Variants in FAR2 observed in about 807,000 individuals in gnomAD.
FAR2 encodes the protein epididymis secretory protein Li 81.
Under a neutral mutation model 56.0 loss-of-function variants are expected in FAR2, and 19 were observed. The observed-to-expected ratio is 0.34, with a 90% CI of 0.24 to 0.50. The LOEUF (loss-of-function observed/expected upper bound fraction) is 0.50, where lower values mean the gene tolerates loss of function less well. FAR2 is among the 20% of genes least tolerant of loss of function. The probability of loss-of-function intolerance (pLI) is 0.98; values close to 1 mark genes in which losing one functional copy is unlikely to be tolerated. For synonymous variants in FAR2, 219 were observed against 218.8 expected, an observed-to-expected ratio of 1.00 and a Z score of -0.01; for missense variants, 508 against 642.2, an observed-to-expected ratio of 0.79 and a Z score of 2.26.
In FAR2 at chr12:29,333,865, G is replaced by A; in HGVS notation, c.*71G>A. ...TAAAACAGCAAACTGTGATTCTCAA[G>A]ATTAGAAAGTAACAAGGAATATGCC... On this transcript the variant is annotated 3_prime_UTR_variant, in exon 12 of 12. Transcript: ENST00000536681. The A allele has an allele frequency of 4.2e-6, 6 of 1,418,804 alleles. No homozygotes were observed. The highest frequency in any genetic ancestry group is 5.8e-6 in the Non-Finnish European group (6 of 1,026,810). The allele number at this position is 1,418,804 out of a possible 1,614,324, so 87.9% of individuals were successfully genotyped here.
rs534804034 is a variant in FAR2 at position 29,313,845 on chromosome 12, T to G, written c.955+1895T>G. On this transcript the variant is annotated intron_variant, in intron 8 of 11. Transcript: ENST00000536681. ...TGGCTTTATTGATTCTTTATTATGT[T>G]GCTTCATTTTCTACTGCATTGATAT... Among the ~76,000 whole-genome samples, 23 of 139,968 alleles carry G rather than the reference T, an allele frequency of 1.6e-4. No homozygotes were observed. In the South Asian group the frequency reaches 4.8e-3, roughly 29 times the overall value. The allele number at this position is 139,968 out of a possible 152,430, so 91.8% of individuals were successfully genotyped here.
At chr12:29,178,504 G>A (rs1949961062) in intron 1 of FAR2, among the ~76,000 whole-genome samples, 1 of 152,164 alleles carries the variant, frequency 6.6e-6, no homozygotes, top group Admixed American at 6.5e-5. Flanking sequence ...GCTGCGGTGG[G>A]AGTATTGCTT....
At chr12:29,182,253 C>T (rs769491946) in intron 1 of FAR2, among the ~76,000 whole-genome samples, 1 of 152,184 alleles carries the variant, frequency 6.6e-6, no homozygotes, top group East Asian at 1.9e-4. Context: ...ACAGCTTCCA[C>T]GTATGGAAGG....
intron 1 of FAR2, among the ~76,000 whole-genome samples, chr12:29,233,613 T>G (rs1029025181): frequency 5.9e-5 from 9 of 152,354 alleles, no homozygotes; most frequent in Middle Eastern, 3.4e-3. Flanking sequence ...ATGCTTGAAC[T>G]TGGCTCTGGA....
chr12:29,255,102 C>T (rs1382077599), intron 1 of FAR2, among the ~76,000 whole-genome samples: 2 of 152,138 alleles, frequency 1.3e-5, no homozygotes, highest in Non-Finnish European at 2.9e-5. Context: ...AACAGAATAC[C>T]AGACTATACC....
chr12:29,156,579 C>G (rs759055246), intron 1 of FAR2: 7 of 152,128 alleles, frequency 4.6e-5, no homozygotes, highest in Non-Finnish European at 8.8e-5. Flanking sequence ...ATTTTATTAC[C>G]TCTGAGCAGA....
chr12:29,196,677 GA>G (rs1950147070), intron 1 of FAR2, among the ~76,000 whole-genome samples: 1 of 151,966 alleles, frequency 6.6e-6, no homozygotes, highest in Admixed American at 6.6e-5. Flanking sequence ...GAAAACTTAG[GA>G]AAAACTTCTG....
chr12:29,280,618 TTTGA>T (rs1466615154), intron 2 of FAR2: 1 of 152,186 alleles, frequency 6.6e-6, no homozygotes, highest in Non-Finnish European at 1.5e-5. Flanking sequence ...ACAAATGAAA[TTTGA>T]TTCTCAAACA....
intron 2 of FAR2, among the ~76,000 whole-genome samples, chr12:29,276,999 G>A (rs888932333): frequency 2.7e-4 from 41 of 151,960 alleles, no homozygotes; most frequent in African/African-American, 9.4e-4. Flanking sequence ...ATTTTGAGAC[G>A]GAGTCTCACT....
At chr12:29,207,612 C>T (rs1274025096) in intron 1 of FAR2, among the ~76,000 whole-genome samples, 3 of 151,826 alleles carry the variant, frequency 2.0e-5, no homozygotes, top group Non-Finnish European at 4.4e-5. Flanking sequence ...TTCTCTTTTT[C>T]CCTTTTTTGA....
intron 1 of FAR2, among the ~76,000 whole-genome samples, chr12:29,194,405 C>A (rs1173124265): frequency 6.6e-6 from 1 of 151,902 alleles, no homozygotes; most frequent in African/African-American, 2.4e-5. Context: ...TATGATTGTG[C>A]CTGCATTCCA....
intron 1 of FAR2, among the ~76,000 whole-genome samples, chr12:29,173,534 G>A (rs566489852): frequency 6.6e-6 from 1 of 152,272 alleles, no homozygotes; most frequent in East Asian, 1.9e-4. Flanking sequence ...GGATAGTATT[G>A]TAATTTATAC....
chr12:29,257,907 A>C (rs78847860), intron 1 of FAR2, among the ~76,000 whole-genome samples: 1 of 152,220 alleles, frequency 6.6e-6, no homozygotes, highest in Non-Finnish European at 1.5e-5. Flanking sequence ...CAGACGTGAG[A>C]CATCACACCC....
intron 1 of FAR2, among the ~76,000 whole-genome samples, chr12:29,218,872 G>A (rs893712995): frequency 3.3e-4 from 50 of 151,210 alleles, no homozygotes; most frequent in African/African-American, 1.1e-3. Flanking sequence ...GAAACCTTCC[G>A]TGTTAGAATT....
At chr12:29,316,819 A>G in intron 8 of FAR2, 22 bp from the exon 9 acceptor site, 3 of 1,612,800 alleles carry the variant, frequency 1.9e-6, no homozygotes, top group Non-Finnish European at 2.5e-6. Flanking sequence ...CTCCTCTAGC[A>G]CTTACTTTCT....
chr12:29,253,371 CTATCTAGA>C (rs1948264042), intron 1 of FAR2, among the ~76,000 whole-genome samples: 1 of 98,044 alleles, frequency 1.0e-5, no homozygotes. Flanking sequence ...AGATATCTAT[CTATCTAGA>C]TAGATAGATA....
chr12:29,167,312 A>C (rs1949839113), intron 1 of FAR2, among the ~76,000 whole-genome samples: 1 of 151,632 alleles, frequency 6.6e-6, no homozygotes, highest in South Asian at 2.1e-4. Flanking sequence ...CTTGCCTCAC[A>C]CTCCACAGAG....
rs765679322 is a variant in FAR2, at chr12:29,307,767, A to G, written c.655A>G (p.Ser219Gly). The G allele has an allele frequency of 1.4e-5, 23 of 1,613,348 alleles. No homozygotes were observed. The highest frequency in any genetic ancestry group is 1.9e-5 in the Non-Finnish European group (22 of 1,179,908). ...ALGEMVVQQE[S>G]RNLNIAIIRP... Reference sequence around the variant, plus strand: ...GGGAGAAATGGTGGTGCAGCAAGAGAGCAGGAACCTGAACATTGCCATCAT... The same window carrying G: ...GGGAGAAATGGTGGTGCAGCAAGAGGGCAGGAACCTGAACATTGCCATCAT... Residue 219 changes from serine to glycine, a missense_variant, in exon 5 of 12, where the codon AGC becomes GGC. Ser to Gly is a moderately conservative substitution (Grantham distance 56). Coordinates refer to ENST00000536681, the MANE Select transcript of FAR2 (RefSeq NM_001271783.2).
At chr12:29,255,636 T>C (rs1160600602) in intron 1 of FAR2, among the ~76,000 whole-genome samples, 7 of 152,096 alleles carry the variant, frequency 4.6e-5, no homozygotes, top group Non-Finnish European at 8.8e-5. Context: ...TTTCTTTTTC[T>C]TTTTTGAGAT....
Sources: gnomAD v4.1 joint callset for allele counts (sites outside exome capture counted in the v4.1 genomes callset) on GRCh38, gnomAD v4.1.1 for gene constraint, MANE v1.5 for transcripts, NCBI Gene and HGNC (gene_info 2026-07-23, HGNC 2026-07-21) for gene names.